The following AIFM1 variants were observed in gnomAD, a reference collection of about 807,000 sequenced individuals.
AIFM1 encodes apoptosis inducing factor mitochondria associated 1.
A neutral mutation model predicts 51.7 loss-of-function variants in AIFM1; 3 were observed. That is an observed-to-expected ratio of 0.06 (90% confidence interval 0.03 to 0.15). The LOEUF (loss-of-function observed/expected upper bound fraction) is 0.15, where lower values mean the gene tolerates loss of function less well. AIFM1 is among the 10% of genes least tolerant of loss of function. The pLI is 1.00. For missense variants in AIFM1, 330 were observed against 476.8 expected (o/e 0.69, Z 2.87); for synonymous variants, 178 against 179.4 (o/e 0.99, Z 0.06).
intron 2 of AIFM1, among the ~76,000 whole-genome samples, chrX:130,152,263 C>T (rs2031012056): frequency 8.9e-6 from 1 of 111,746 alleles, no homozygotes; most frequent in African/African-American, 3.3e-5. Context: ...CTCACACTTG[C>T]TAATGGCTCA....
chrX:130,147,526 A>T lies in AIFM1; in HGVS notation c.572T>A (p.Leu191Gln). ...FSDDPNVTKT[L>Q]RFKQWNGKER... ...TTTTCCATTCCACTGTTTGAATCGC[A>T]GTGTCTTTGTGACATTTGGGTCATC... Residue 191 changes from leucine (L) to glutamine (Q), a missense_variant, in exon 5 of 16, where the codon CTG becomes CAG. Physicochemically the swap from Leu to Gln is moderately radical, Grantham distance 113. Transcript: ENST00000287295. 1 of 1,211,996 alleles carries T rather than the reference A, an allele frequency of 8.3e-7. No homozygotes were observed. Among genetic ancestry groups the T allele is most frequent in the Non-Finnish European group, 1.1e-6 (1 of 895,542 alleles).
At chrX:130,148,833 CAAAAAAAA>C (rs56353862) in intron 3 of AIFM1, among the ~76,000 whole-genome samples, 7 of 21,526 alleles carry the variant, frequency 3.3e-4, no homozygotes, top group African/African-American at 1.4e-3. Context: ...AACTCCATCT[CAAAAAAAA>C]AAAAAAAAAA....
chrX:130,139,893 C>A (rs1393885128), intron 7 of AIFM1, 22 bp from the exon 8 acceptor site: 1 of 1,175,248 alleles, frequency 8.5e-7, no homozygotes, highest in African/African-American at 1.8e-5. Flanking sequence ...AGAAGGAAAA[C>A]CCTTTAGCCC....
intron 3 of AIFM1, among the ~76,000 whole-genome samples, chrX:130,148,191 G>A (rs777558827): frequency 3.6e-5 from 4 of 111,939 alleles, no homozygotes; most frequent in African/African-American, 1.3e-4. Flanking sequence ...ACATCAGTAG[G>A]CTTTTGCCCT....
chrX:130,162,117 G>A (rs1361661664), intron 1 of AIFM1, among the ~76,000 whole-genome samples: 7 of 112,085 alleles, frequency 6.2e-5, no homozygotes, highest in African/African-American at 1.6e-4. Flanking sequence ...ATGTGCCAGA[G>A]ATGGTACAAG....
chrX:130,155,164 C>T lies in AIFM1; in HGVS notation c.249+1297G>A, dbSNP rs148496596. 40 of 1,209,952 alleles carry T rather than the reference C, an allele frequency of 3.3e-5. No homozygotes were observed. The highest frequency in any genetic ancestry group is 4.4e-5 in the Non-Finnish European group (39 of 894,958). ...TAGTGTAAGCATCTTACATAATAAA[C>T]TCCTGCCCCAGTGACTGTTGCTCCT... On this transcript the variant is annotated intron_variant, in intron 2 of 15. Transcript: ENST00000287295.
Position 130,165,732 on chromosome X carries a change from C to A in AIFM1, c.-76G>T. 2.4e-6 allele frequency: 2 copies of A among 840,861 alleles called. No homozygotes were observed. The highest frequency in any genetic ancestry group is 3.5e-6 in the Non-Finnish European group (2 of 574,256). The allele number at this position is 840,861 out of a possible 1,213,427, so 69.3% of individuals were successfully genotyped here. ...ACCGACGGGTCAAACACCGTGAGCC[C>A]CGGCCAGCTCCCCCAGTCTCTTCAC... On this transcript the variant is annotated 5_prime_UTR_variant, in exon 1 of 16. Coordinates refer to ENST00000287295, the MANE Select transcript of AIFM1 (RefSeq NM_004208.4).
intron 5 of AIFM1, among the ~76,000 whole-genome samples, chrX:130,146,336 C>T (rs771034565): frequency 3.7e-5 from 4 of 108,716 alleles, no homozygotes; most frequent in African/African-American, 1.3e-4. Context: ...CCTAGCTACT[C>T]GGGAGGCTGA....
intron 13 of AIFM1, 78 bp from the exon 14 acceptor site, chrX:130,131,877 ATTTTTT>A (rs750912775): frequency 5.4e-6 from 5 of 933,988 alleles, no homozygotes; most frequent in Non-Finnish European, 7.3e-6. Context: ...ATGACACTGC[ATTTTTT>A]TTTTTTTGAG....
intron 1 of AIFM1, among the ~76,000 whole-genome samples, chrX:130,164,866 G>C (rs2031477985): frequency 1.8e-5 from 2 of 111,323 alleles, no homozygotes; most frequent in Non-Finnish European, 3.8e-5. Context: ...TAAAATGAGT[G>C]GGTTGACCTT....
chrX:130,140,250 C>T (rs997331408), intron 7 of AIFM1, among the ~76,000 whole-genome samples: 8 of 112,143 alleles, frequency 7.1e-5, no homozygotes, highest in African/African-American at 9.7e-5. Context: ...AAGCCACAAA[C>T]GACATCACTT....
intron 2 of AIFM1, chrX:130,155,309 G>T (rs1233666144): frequency 1.7e-6 from 2 of 1,204,525 alleles, no homozygotes; most frequent in Non-Finnish European, 2.2e-6. Flanking sequence ...ATAAGGCCAA[G>T]AGAGAAACAA....
intron 1 of AIFM1, among the ~76,000 whole-genome samples, chrX:130,161,528 A>C (rs1160806484): frequency 5.5e-5 from 6 of 108,483 alleles, no homozygotes; most frequent in Admixed American, 2.0e-4. Flanking sequence ...AAAAAAAAAA[A>C]AAAACACAGG....
intron 6 of AIFM1, 102 bp from the exon 7 acceptor site, chrX:130,140,719 G>T: frequency 1.6e-6 from 1 of 631,122 alleles, no homozygotes; most frequent in South Asian, 2.3e-5. Context: ...TTTAAAGTGT[G>T]GAATTCTGTG....
intron 1 of AIFM1, among the ~76,000 whole-genome samples, chrX:130,159,209 A>G (rs920244258): frequency 9.0e-6 from 1 of 111,695 alleles, no homozygotes; most frequent in African/African-American, 3.3e-5. Context: ...TGAAAACTTG[A>G]TAGTCTTAAA....
intron 13 of AIFM1, 74 bp from the exon 14 acceptor site, chrX:130,131,873 C>T (rs1369107110): frequency 4.3e-6 from 5 of 1,150,739 alleles, no homozygotes; most frequent in Non-Finnish European, 5.9e-6. Flanking sequence ...CTCCATGACA[C>T]TGCATTTTTT....
At chrX:130,132,684 T>C (rs2030143906) in intron 13 of AIFM1, among the ~76,000 whole-genome samples, 1 of 111,955 alleles carries the variant, frequency 8.9e-6, no homozygotes, top group Non-Finnish European at 1.9e-5. Flanking sequence ...ATTAGAGGCA[T>C]GAGCAACCAT....
intron 2 of AIFM1, among the ~76,000 whole-genome samples, chrX:130,152,402 G>C (rs1398985024): frequency 9.0e-6 from 1 of 111,660 alleles, no homozygotes; most frequent in Admixed American, 9.5e-5. Context: ...AAGGGTTTCT[G>C]TACTCCTAGT....
chrX:130,154,638 G>A (rs890935338), intron 2 of AIFM1, among the ~76,000 whole-genome samples: 1 of 112,122 alleles, frequency 8.9e-6, no homozygotes, highest in Non-Finnish European at 1.9e-5. Flanking sequence ...AAAGGTGGAT[G>A]GGGAGAATAT....
Sources: gnomAD v4.1 joint callset for allele counts (sites outside exome capture counted in the v4.1 genomes callset) on GRCh38, gnomAD v4.1.1 for gene constraint, MANE v1.5 for transcripts, NCBI Gene and HGNC (gene_info 2026-07-23, HGNC 2026-07-21) for gene names.